The following TRPC1 variants were observed in gnomAD, a reference collection of about 807,000 sequenced individuals.
TRPC1 encodes short transient receptor potential channel 1.
TRPC1 carries 42 observed loss-of-function variants against 88.2 expected under a neutral mutation model. The ratio of observed to expected loss-of-function variants is 0.48; its 90% CI spans 0.37 to 0.62. The LOEUF is 0.62. TRPC1 is among the 20% of genes least tolerant of loss of function. The pLI is 0.00. For synonymous variants in TRPC1, 288 were observed against 331.8 expected (o/e 0.87, Z 1.43); for missense variants, 699 against 957.3 (o/e 0.73, Z 3.56).
intron 4 of TRPC1, among the ~76,000 whole-genome samples, chr3:142,772,145 T>C (rs1280845815): frequency 6.6e-6 from 1 of 152,184 alleles, no homozygotes; most frequent in East Asian, 1.9e-4. Flanking sequence ...TTTGTGGGTC[T>C]CTTTGCATTT....
intron 4 of TRPC1, among the ~76,000 whole-genome samples, chr3:142,757,725 T>C (rs1031029595): frequency 3.9e-5 from 6 of 152,100 alleles, no homozygotes; most frequent in African/African-American, 9.7e-5. Flanking sequence ...GACAGGTTGA[T>C]TGGTGCAGCA....
intron 4 of TRPC1, among the ~76,000 whole-genome samples, chr3:142,765,476 T>C (rs368382317): frequency 2.0e-5 from 3 of 152,112 alleles, no homozygotes; most frequent in East Asian, 3.9e-4. Flanking sequence ...AACAGACATA[T>C]AGACCGATGG....
At position 142,724,567 on chromosome 3, in the gene TRPC1, C is replaced by T. The variant is rs1334283044; in HGVS notation, c.8C>T (p.Ala3Val). 5 of 1,570,780 alleles carry T rather than the reference C, an allele frequency of 3.2e-6. No individual in the cohort carries two copies. Among genetic ancestry groups the T allele is most frequent in the Non-Finnish European group, 4.3e-6 (5 of 1,160,306 alleles). The change falls in exon 1 of 13, where the codon GCG (alanine) becomes GTG (valine). Residue 3 changes from alanine to valine, a missense_variant. Physicochemically the swap from Ala to Val is moderately conservative, Grantham distance 64. Coordinates refer to ENST00000476941, the MANE Select transcript of TRPC1 (RefSeq NM_001251845.2). This position sits in a 1 kb window ranked among gnomAD's most constrained non-coding sequence, Gnocchi z 5.6. MM[A>V]ALYPSTDLSG... The stretch of plus-strand genomic sequence containing the variant: ...CCCCCTTCATGGGCCGCGATGATGG[C>T]GGCCCTGTACCCGAGCACGGACCTC...
At position 142,745,623 on chromosome 3, in the gene TRPC1, G is replaced by A. The variant is rs1233137800; in HGVS notation, c.429+2037G>A. Among the ~76,000 whole-genome samples the A allele has an allele frequency of 4.6e-5, 7 of 152,184 alleles. No homozygotes were observed. In the East Asian group the frequency reaches 5.8e-4, roughly 13 times the overall value. ...CGAGCCGCTGCACTCCAGCCTGGGC[G>A]ACAGAGCAAAACTCTTCTAAAACAA... On this transcript the variant is annotated intron_variant, in intron 3 of 12. Transcript: ENST00000476941.
intron 4 of TRPC1, among the ~76,000 whole-genome samples, chr3:142,754,331 A>G (rs758574717): frequency 6.6e-6 from 1 of 152,094 alleles, no homozygotes; most frequent in Non-Finnish European, 1.5e-5. Flanking sequence ...AGTGGAAGAC[A>G]AAAATTTAAA....
chr3:142,806,149 C>T lies in TRPC1; in HGVS notation c.2296C>T (p.Gln766Ter), dbSNP rs761440539. 1 of 1,613,784 alleles carries T rather than the reference C, an allele frequency of 6.2e-7. No homozygotes were observed. Among genetic ancestry groups the T allele is most frequent in the Non-Finnish European group, 8.5e-7 (1 of 1,179,824 alleles). ...ATVENLNELRQDLSKFRNEIR... is the reference protein window; with the variant it reads ...ATVENLNELR ...TGTGGAAAATCTAAACGAACTGCGCCAAGATCTGTCAAAATTCCGAAATGA... is the reference window on the plus strand; with the variant it reads ...TGTGGAAAATCTAAACGAACTGCGCTAAGATCTGTCAAAATTCCGAAATGA... The change falls in exon 13 of 13, where the codon CAA (glutamine) becomes TAA (stop). Residue 766 changes from glutamine (Q) to a stop codon, truncating the protein, a stop_gained. Coordinates refer to ENST00000476941, the MANE Select transcript of TRPC1 (RefSeq NM_001251845.2). LOFTEE classifies it high-confidence loss of function.
intron 12 of TRPC1, 26 bp from the exon 13 acceptor site, chr3:142,805,982 C>G: frequency 6.3e-7 from 1 of 1,595,584 alleles, no homozygotes; most frequent in Non-Finnish European, 8.6e-7. Flanking sequence ...TCTGCATATC[C>G]TTAGTATCAT....
At chr3:142,757,116 A>G (rs764791799) in intron 4 of TRPC1, among the ~76,000 whole-genome samples, 1 of 152,168 alleles carries the variant, frequency 6.6e-6, no homozygotes, top group African/African-American at 2.4e-5. Context: ...TTTAAAATCC[A>G]TTCATCCATT....
intron 7 of TRPC1, among the ~76,000 whole-genome samples, chr3:142,787,214 C>T (rs146337055): frequency 9.0e-4 from 137 of 152,300 alleles, no homozygotes; most frequent in African/African-American, 3.1e-3. Context: ...ACAGTTTGAT[C>T]TGAATAAGCC....
chr3:142,770,431 T>G (rs1047297565), intron 4 of TRPC1, among the ~76,000 whole-genome samples: 2 of 152,162 alleles, frequency 1.3e-5, no homozygotes, highest in Non-Finnish European at 2.9e-5. Context: ...GGATTGACCC[T>G]GTTATTCTTA....
chr3:142,761,262 T>G (rs139276449), intron 4 of TRPC1, among the ~76,000 whole-genome samples: 22 of 152,168 alleles, frequency 1.4e-4, no homozygotes, highest in East Asian at 7.7e-4. Flanking sequence ...TTTTTTTGGT[T>G]GTTGTTGTTG....
In TRPC1 at chr3:142,724,479, G is replaced by A; in HGVS notation, c.-81G>A. 7.4e-7 allele frequency: 1 copy of A among 1,360,396 alleles called. No homozygotes were observed. Among genetic ancestry groups the A allele is most frequent in the South Asian group, 1.4e-5 (1 of 69,958 alleles). 84.3% of individuals were successfully genotyped at this position (1,360,396 alleles called of 1,614,324 possible). A position where few individuals can be genotyped will look rare whatever the true frequency, so the allele number is the denominator to read the frequency against. On this transcript the variant is annotated 5_prime_UTR_variant, in exon 1 of 13. Transcript: ENST00000476941. The surrounding 1 kb of genome is among the most constrained non-coding windows in gnomAD (Gnocchi z 5.6). ...GACTCATCCTTTTTCCAGCCCTGGG[G>A]CGTGGCTGGGGTCGGGGTCGGGGTC...
chr3:142,785,596 G>A (rs1000497963), intron 7 of TRPC1, among the ~76,000 whole-genome samples: 2 of 152,100 alleles, frequency 1.3e-5, no homozygotes, highest in African/African-American at 2.4e-5. Flanking sequence ...CCGCCTCCCG[G>A]GTTCAAACGA....
intron 4 of TRPC1, among the ~76,000 whole-genome samples, chr3:142,759,189 C>T (rs1935091858): frequency 6.6e-6 from 1 of 152,006 alleles, no homozygotes; most frequent in African/African-American, 2.4e-5. Flanking sequence ...GGGTATATAC[C>T]CAGTAATGGG....
At chr3:142,747,251 A>G (rs1030604259) in intron 3 of TRPC1, among the ~76,000 whole-genome samples, 9 of 152,210 alleles carry the variant, frequency 5.9e-5, no homozygotes, top group Non-Finnish European at 1.3e-4. Flanking sequence ...TTCCTTGGGT[A>G]GTAGGAATAT....
Position 142,806,616 on chromosome 3 carries a change from T to C in TRPC1, c.*381T>C, listed in dbSNP as rs1936802870. 1 of 157,744 alleles carries C rather than the reference T, an allele frequency of 6.3e-6. No individual in the cohort carries two copies. Among genetic ancestry groups the C allele is most frequent in the Non-Finnish European group, 1.4e-5 (1 of 71,362 alleles). 9.8% of individuals were successfully genotyped at this position (157,744 alleles called of 1,614,324 possible). ...ATGTAGGCTGATCTCCTTCACAGGA[T>C]ACACTTGAAATATAGAAGTTATGTT... On this transcript the variant is annotated 3_prime_UTR_variant, in exon 13 of 13. Transcript: ENST00000476941.
intron 5 of TRPC1, 102 bp from the exon 6 acceptor site, chr3:142,780,732 T>C: frequency 1.4e-5 from 16 of 1,176,960 alleles, no homozygotes; most frequent in Non-Finnish European, 1.9e-5. Flanking sequence ...TGTGTAACAC[T>C]GTCAGAATTA....
chr3:142,793,753 A>T, intron 9 of TRPC1: 3 of 703,396 alleles, frequency 4.3e-6, no homozygotes, highest in Non-Finnish European at 5.2e-6. Flanking sequence ...ATTTTTCCTT[A>T]AGTCAAAATT....
rs542478965 is a variant in TRPC1 at position 142,759,254 on chromosome 3, G to A, written c.632+10794G>A. ...TAGATCCTTGAGAAATCACCACACT[G>A]TCTTTCACAATGGTTGAACTAGTTT... On this transcript the variant is annotated intron_variant, in intron 4 of 12. Transcript: ENST00000476941. Among the ~76,000 whole-genome samples the A allele has an allele frequency of 3.3e-5, 5 of 152,284 alleles. No homozygotes were observed. The East Asian group carries it at 9.6e-4, about 29-fold the overall frequency.
Sources: gnomAD v4.1 joint callset for allele counts (sites outside exome capture counted in the v4.1 genomes callset) on GRCh38, gnomAD v4.1.1 for gene constraint, Gnocchi (gnomAD v3.1) non-coding constraint, MANE v1.5 for transcripts, NCBI Gene and HGNC (gene_info 2026-07-23, HGNC 2026-07-21) for gene names.